Variants in CLHC1 observed in about 807,000 individuals in gnomAD.
CLHC1 encodes the protein clathrin heavy chain linker domain containing 1, also known as clathrin heavy chain linker domain-containing protein 1.
Under a neutral mutation model 69.5 loss-of-function variants are expected in CLHC1, and 72 were observed. The ratio of observed to expected loss-of-function variants is 1.04; its 90% confidence interval spans 0.86 to 1.26. The LOEUF is 1.26. CLHC1 is among the 50% of genes most tolerant of loss of function. The pLI, the probability that CLHC1 is intolerant of heterozygous loss-of-function variation, is 0.00. For synonymous variants in CLHC1, 223 were observed against 224.3 expected, an observed-to-expected ratio of 0.99 and a Z score of 0.05; for missense variants, 790 against 679.3, an observed-to-expected ratio of 1.16 and a Z score of -1.81.
chr2:55,219,289 A>T (rs1673887491), intron 3 of CLHC1, among the ~76,000 whole-genome samples: 1 of 152,212 alleles, frequency 6.6e-6, no homozygotes. Context: ...TTGTTAGAAA[A>T]AACAGATTTC....
chr2:55,176,039 C>A (rs1351196151), intron 12 of CLHC1, 53 bp from the exon 13 acceptor site: 3 of 1,406,578 alleles, frequency 2.1e-6, no homozygotes, highest in Admixed American at 4.0e-5. Flanking sequence ...ATAATCTATA[C>A]TTTAGTGATT....
In CLHC1 at chr2:55,172,672, G is replaced by T; in HGVS notation, c.*3118C>A. ...TTTTCTGAGAAAGAATGGAAGAAAT[G>T]TATGAGCTTTCTATGAAATGTACAA... On this transcript the variant is annotated 3_prime_UTR_variant, in exon 13 of 13. Coordinates refer to ENST00000401408, the MANE Select transcript of CLHC1 (RefSeq NM_152385.4). Among the ~76,000 whole-genome samples, 1 of 146,422 alleles carries T rather than the reference G, an allele frequency of 6.8e-6. No homozygotes were observed.
chr2:55,183,504 G>T (rs1670116458), intron 9 of CLHC1, among the ~76,000 whole-genome samples: 1 of 152,132 alleles, frequency 6.6e-6, no homozygotes, highest in South Asian at 2.1e-4. Context: ...GTAAAACCAG[G>T]TATGAAATAA....
At chr2:55,197,063 A>G (rs910092477) in intron 9 of CLHC1, among the ~76,000 whole-genome samples, 38 of 152,280 alleles carry the variant, frequency 2.5e-4, no homozygotes, top group African/African-American at 7.7e-4. Context: ...GCCTGGCAGT[A>G]CTTCCTGTGG....
At position 55,212,765 on chromosome 2, in the gene CLHC1, T is replaced by C; in HGVS notation, c.407A>G (p.Gln136Arg). The change falls in exon 5 of 13, where the codon CAA (glutamine) becomes CGA (arginine). Residue 136 changes from glutamine to arginine, a missense_variant. Physicochemically the swap from Gln to Arg is conservative, Grantham distance 43 (BLOSUM62 1). Coordinates refer to ENST00000401408, the MANE Select transcript of CLHC1 (RefSeq NM_152385.4). ...CCTACACTGCTTGATGTGATCTATT[T>C]GAGATTGAATCTTCGAGGAATTACT... Reference protein sequence around the residue: ...IESNSSKIQSQIDHIKQCRAE... With the variant: ...IESNSSKIQSRIDHIKQCRAE... 2.5e-6 allele frequency: 4 copies of C among 1,600,418 alleles called. No individual in the cohort carries two copies. The highest frequency in any genetic ancestry group is 3.4e-6 in the Non-Finnish European group (4 of 1,167,596).
At chr2:55,178,561 T>G (rs1025271455) in intron 11 of CLHC1, among the ~76,000 whole-genome samples, 10 of 152,132 alleles carry the variant, frequency 6.6e-5, no homozygotes, top group African/African-American at 2.4e-4. Context: ...ATAATGATTG[T>G]GTACTGTATC....
At chr2:55,178,228 G>C (rs1292557612) in intron 11 of CLHC1, among the ~76,000 whole-genome samples, 1 of 152,114 alleles carries the variant, frequency 6.6e-6, no homozygotes, top group Non-Finnish European at 1.5e-5. Flanking sequence ...ATTCTGGTGA[G>C]TATAATGTCT....
chr2:55,201,726 T>C (rs1045847574), intron 9 of CLHC1, among the ~76,000 whole-genome samples: 2 of 152,040 alleles, frequency 1.3e-5, no homozygotes, highest in Non-Finnish European at 2.9e-5. Context: ...GAAAACTACA[T>C]GTCAATAATT....
intron 3 of CLHC1, among the ~76,000 whole-genome samples, chr2:55,219,728 C>G (rs933915763): frequency 2.6e-5 from 4 of 152,094 alleles, no homozygotes; most frequent in African/African-American, 9.7e-5. Flanking sequence ...GCTACTAAAT[C>G]CAAGAAAATA....
intron 9 of CLHC1, 34 bp from the exon 10 acceptor site, chr2:55,181,778 C>T (rs368470015): frequency 6.4e-7 from 1 of 1,558,272 alleles, no homozygotes; most frequent in East Asian, 2.3e-5. Context: ...GAGTCAAATA[C>T]TTTAAGAAAT....
At chr2:55,193,346 GA>G (rs1484136612) in intron 9 of CLHC1, among the ~76,000 whole-genome samples, 2 of 151,654 alleles carry the variant, frequency 1.3e-5, no homozygotes, top group Non-Finnish European at 2.9e-5. Context: ...AAATTAAAAA[GA>G]GTGAAAAGAC....
Position 55,181,723 on chromosome 2 carries a change from T to A in CLHC1, c.1028A>T (p.Lys343Met). ...TFKAVGKIRG[K>M]PLPLLLFFEA... ...AAAAAATAAGAGTAATGGAAGAGGCTTTCCTCTAATTTTTCCAACAGCTAC... is the reference window on the plus strand; with the variant it reads ...AAAAAATAAGAGTAATGGAAGAGGCATTCCTCTAATTTTTCCAACAGCTAC... The change falls in exon 10 of 13, where the codon AAG (lysine) becomes ATG (methionine). Residue 343 changes from lysine to methionine, a missense_variant. Physicochemically the swap from Lys to Met is moderately conservative, Grantham distance 95. Transcript: ENST00000401408. 1 of 1,611,658 alleles carries A rather than the reference T, an allele frequency of 6.2e-7. No individual in the cohort carries two copies. Among genetic ancestry groups the A allele is most frequent in the Non-Finnish European group, 8.5e-7 (1 of 1,179,432 alleles).
intron 1 of CLHC1, among the ~76,000 whole-genome samples, chr2:55,228,884 T>A (rs1447114964): frequency 6.6e-6 from 1 of 152,110 alleles, no homozygotes; most frequent in East Asian, 1.9e-4. Context: ...GCACAGCGGC[T>A]CATGCCTGTA....
chr2:55,196,612 G>A (rs1671443426), intron 9 of CLHC1, among the ~76,000 whole-genome samples: 1 of 152,178 alleles, frequency 6.6e-6, no homozygotes, highest in East Asian at 1.9e-4. Context: ...CCACTGTCTT[G>A]AAAGGAAGGA....
intron 2 of CLHC1, among the ~76,000 whole-genome samples, chr2:55,227,651 C>G (rs1053194569): frequency 1.4e-5 from 2 of 138,038 alleles, no homozygotes; most frequent in Non-Finnish European, 3.0e-5. Flanking sequence ...GCACTCCAGC[C>G]TGGGCAATAG....
intron 9 of CLHC1, among the ~76,000 whole-genome samples, chr2:55,190,743 T>C (rs1459936548): frequency 6.6e-6 from 1 of 152,174 alleles, no homozygotes; most frequent in Non-Finnish European, 1.5e-5. Flanking sequence ...GTAGGACAAC[T>C]TCAGGCATAT....
intron 9 of CLHC1, among the ~76,000 whole-genome samples, chr2:55,190,919 A>C (rs189233057): frequency 6.6e-6 from 1 of 152,276 alleles, no homozygotes. Flanking sequence ...AACTATACTA[A>C]CACTCACAAT....
Position 55,180,498 on chromosome 2 carries a change from T to C in CLHC1, c.1384+12A>G. On this transcript the variant is annotated intron_variant, in intron 11 of 12. Coordinates refer to ENST00000401408, the MANE Select transcript of CLHC1 (RefSeq NM_152385.4). Reference sequence around the variant, plus strand: ...ATTCAAATGTATACAAATGGCAGACTTTTTAACTTACCGGTAGTAAAGTCC... The same window carrying C: ...ATTCAAATGTATACAAATGGCAGACCTTTTAACTTACCGGTAGTAAAGTCC... 1 of 1,605,008 alleles carries C rather than the reference T, an allele frequency of 6.2e-7. No homozygotes were observed. The highest frequency in any genetic ancestry group is 2.2e-5 in the East Asian group (1 of 44,816).
chr2:55,174,595 C>G lies in CLHC1; in HGVS notation c.*1195G>C, dbSNP rs1669220789. Among the ~76,000 whole-genome samples the G allele has an allele frequency of 6.6e-6, 1 of 152,090 alleles. No homozygotes were observed. The highest frequency in any genetic ancestry group is 1.5e-5 in the Non-Finnish European group (1 of 68,010). ...CACAACAAGCCTAAGGAAGACTGCC[C>G]ATATTTTATAAGTGAGTAAGAGGTA... On this transcript the variant is annotated 3_prime_UTR_variant, in exon 13 of 13. Transcript: ENST00000401408.
Sources: gnomAD v4.1 joint callset for allele counts (sites outside exome capture counted in the v4.1 genomes callset) on GRCh38, gnomAD v4.1.1 for gene constraint, MANE v1.5 for transcripts, NCBI Gene and HGNC (gene_info 2026-07-23, HGNC 2026-07-21) for gene names.